NRG4: variants seen among roughly 807,000 people sequenced by gnomAD.
NRG4 encodes the protein pro-neuregulin-4, membrane-bound isoform.
A neutral mutation model predicts 15.0 loss-of-function variants in NRG4; 10 were observed. The ratio of observed to expected loss-of-function variants is 0.67; its 90% confidence interval spans 0.41 to 1.13. NRG4 has a LOEUF of 1.13. Ranked by LOEUF, NRG4 falls within the 50% of genes most tolerant of loss-of-function variation. The pLI, the probability that NRG4 is intolerant of heterozygous loss-of-function variation, is 0.00. For synonymous variants in NRG4, 41 were observed against 50.1 expected, an observed-to-expected ratio of 0.82 and a Z score of 0.77; for missense variants, 139 against 140.2, an observed-to-expected ratio of 0.99 and a Z score of 0.04.
At chr15:76,054,501 G>A (rs1328843269) in intron 2 of NRG4, among the ~76,000 whole-genome samples, 1 of 152,024 alleles carries the variant, frequency 6.6e-6, no homozygotes, top group African/African-American at 2.4e-5. Context: ...TGCAACCTCC[G>A]CCTCCCCGGT....
chr15:75,965,763 C>A (rs1246879484), intron 3 of NRG4, among the ~76,000 whole-genome samples: 1 of 152,124 alleles, frequency 6.6e-6, no homozygotes, highest in African/African-American at 2.4e-5. Flanking sequence ...TAATCGACTC[C>A]TTCAAAAGTA....
At chr15:76,007,813 T>A (rs2034662202) in intron 3 of NRG4, among the ~76,000 whole-genome samples, 1 of 152,202 alleles carries the variant, frequency 6.6e-6, no homozygotes, top group Non-Finnish European at 1.5e-5. Flanking sequence ...CCAGTATGAA[T>A]ATATTATAAA....
chr15:76,004,744 T>G (rs2034538861), intron 3 of NRG4, among the ~76,000 whole-genome samples: 1 of 152,062 alleles, frequency 6.6e-6, no homozygotes, highest in South Asian at 2.1e-4. Context: ...CAGTAATTAC[T>G]TTAAATGTAA....
At chr15:75,967,651 G>C (rs897631094) in intron 3 of NRG4, among the ~76,000 whole-genome samples, 1 of 151,722 alleles carries the variant, frequency 6.6e-6, no homozygotes. Context: ...TAGTAGAGAC[G>C]GGGTTTCACC....
chr15:75,975,936 C>A (rs1197967892), intron 3 of NRG4, among the ~76,000 whole-genome samples: 1 of 152,142 alleles, frequency 6.6e-6, no homozygotes. Context: ...GGATAATATC[C>A]TGAAGAGTGT....
At chr15:75,969,040 G>A (rs1213242182) in intron 3 of NRG4, 2 of 306,842 alleles carry the variant, frequency 6.5e-6, no homozygotes, top group Non-Finnish European at 1.3e-5. Flanking sequence ...CATAAACCAG[G>A]AACAGCTGGA....
chr15:76,057,192 C>G (rs137858947), intron 1 of NRG4: 1 of 149,572 alleles, frequency 6.7e-6, no homozygotes, highest in African/African-American at 2.5e-5. Context: ...TTCCCCCACC[C>G]TCTCCTGTCA....
At chr15:75,971,824 A>C (rs527804186) in intron 3 of NRG4, among the ~76,000 whole-genome samples, 1 of 152,354 alleles carries the variant, frequency 6.6e-6, no homozygotes, top group South Asian at 2.1e-4. Flanking sequence ...TGCCACAATA[A>C]ACATACGTGT....
At chr15:75,960,836 T>C (rs2032479466) in intron 4 of NRG4, among the ~76,000 whole-genome samples, 1 of 152,230 alleles carries the variant, frequency 6.6e-6, no homozygotes. Context: ...ATTTAAATTT[T>C]TGTATCTGAA....
upstream of NRG4, among the ~76,000 whole-genome samples, chr15:76,016,348 C>G (rs1470715340): frequency 2.0e-5 from 3 of 152,124 alleles, no homozygotes; most frequent in Non-Finnish European, 4.4e-5. Flanking sequence ...TCAGACTGCT[C>G]TGATCTTAGT....
rs1211411653 is a variant in NRG4 at position 75,943,226 on chromosome 15, A to T, written c.*412T>A. The T allele has an allele frequency of 6.1e-6, 1 of 164,412 alleles. No homozygotes were observed. Among genetic ancestry groups the T allele is most frequent in the African/African-American group, 2.4e-5 (1 of 42,008 alleles). The allele number at this position is 164,412 out of a possible 1,614,324, so 10.2% of individuals were successfully genotyped here. A position where few individuals can be genotyped will look rare whatever the true frequency, so the allele number is the denominator to read the frequency against. ...ATCAGTACTTGCAGCTTCTCAGATA[A>T]CAGCAGGAATGAGGTGGTTTTGAAG... On this transcript the variant is annotated 3_prime_UTR_variant, in exon 6 of 6. Coordinates refer to ENST00000394907, the MANE Select transcript of NRG4 (RefSeq NM_138573.4).
intron 4 of NRG4, among the ~76,000 whole-genome samples, chr15:76,040,020 G>A (rs543000841): frequency 6.6e-6 from 1 of 152,018 alleles, no homozygotes; most frequent in Non-Finnish European, 1.5e-5. Flanking sequence ...GCAACAAAGT[G>A]AGACTCTGTA....
intron 5 of NRG4, among the ~76,000 whole-genome samples, chr15:76,028,407 G>C (rs1247028631): frequency 6.6e-6 from 1 of 151,868 alleles, no homozygotes; most frequent in Non-Finnish European, 1.5e-5. Context: ...ATGAGGTCTT[G>C]GATATATACA....
rs2035178208 is a variant in NRG4 at position 76,022,270 on chromosome 15, G to T, written c.-56-10984C>A. Among the ~76,000 whole-genome samples the T allele has an allele frequency of 4.6e-5, 7 of 152,186 alleles. No homozygotes were observed. The South Asian group carries it at 1.5e-3, about 32-fold the overall frequency. The stretch of plus-strand genomic sequence containing the variant: ...CCTGCCATCCTTTTAAAAAAAAGAG[G>T]ACAGTCTCTTGCTGGATGAGGAATG... On this transcript the variant is annotated intron_variant, in intron 5 of 8. Transcript: ENST00000563910.
intron 5 of NRG4, among the ~76,000 whole-genome samples, chr15:75,948,484 A>G (rs1337757449): frequency 6.6e-6 from 1 of 151,972 alleles, no homozygotes; most frequent in Non-Finnish European, 1.5e-5. Flanking sequence ...TATTTTTAGT[A>G]GAGAAGGGAT....
At chr15:75,981,236 G>C (rs1321129044) in intron 3 of NRG4, among the ~76,000 whole-genome samples, 1 of 152,054 alleles carries the variant, frequency 6.6e-6, no homozygotes, top group Non-Finnish European at 1.5e-5. Context: ...ACTCCCTTTT[G>C]GTCTCCATGT....
At chr15:76,007,778 C>A (rs1462252316) in intron 3 of NRG4, among the ~76,000 whole-genome samples, 1 of 152,098 alleles carries the variant, frequency 6.6e-6, no homozygotes, top group African/African-American at 2.4e-5. Flanking sequence ...AAACATTCTA[C>A]GTGCCATATC....
intron 3 of NRG4, among the ~76,000 whole-genome samples, chr15:75,962,482 A>G (rs1266756330): frequency 6.6e-6 from 1 of 152,204 alleles, no homozygotes; most frequent in Non-Finnish European, 1.5e-5. Context: ...TCAATGATCT[A>G]CACATCTAAT....
At chr15:75,945,198 T>C (rs7182720) in intron 5 of NRG4, among the ~76,000 whole-genome samples, 6,005 of 152,174 alleles carry the variant, frequency 0.039, 216 homozygotes, top group African/African-American at 0.094. Flanking sequence ...CATTAACCTT[T>C]CCAGTTAACA....
Sources: gnomAD v4.1 joint callset for allele counts (sites outside exome capture counted in the v4.1 genomes callset) on GRCh38, gnomAD v4.1.1 for gene constraint, MANE v1.5 for transcripts, NCBI Gene and HGNC (gene_info 2026-07-23, HGNC 2026-07-21) for gene names.